Variants in NTRK2 observed in about 807,000 individuals in gnomAD.
NTRK2 encodes neurotrophic receptor tyrosine kinase 2, also known as BDNF/NT-3 growth factors receptor.
A neutral mutation model predicts 94.5 loss-of-function variants in NTRK2; 13 were observed. That is an observed-to-expected ratio of 0.14 (90% confidence interval 0.09 to 0.22). NTRK2 has a LOEUF of 0.22. NTRK2 is among the 10% of genes least tolerant of loss of function. The probability of loss-of-function intolerance (pLI) is 1.00; values close to 1 mark genes in which losing one functional copy is unlikely to be tolerated. For synonymous variants in NTRK2, 372 were observed against 407.4 expected (o/e 0.91, Z 1.05); for missense variants, 639 against 1,071.2 (o/e 0.60, Z 5.63).
chr9:84,973,374 A>G (rs192111286), intron 17 of NTRK2, among the ~76,000 whole-genome samples: 4 of 152,208 alleles, frequency 2.6e-5, no homozygotes, highest in African/African-American at 9.6e-5. Context: ...ACACTTGGCC[A>G]TAACAGTCTT....
intron 12 of NTRK2, among the ~76,000 whole-genome samples, chr9:84,756,628 A>T (rs918859476): frequency 2.6e-5 from 4 of 152,238 alleles, no homozygotes; most frequent in Non-Finnish European, 5.9e-5. Context: ...CTCAAGAGTG[A>T]AATATCTAAA....
chr9:84,832,802 T>G lies in NTRK2; in HGVS notation c.1397-28238T>G, dbSNP rs1416247457. Among the ~76,000 whole-genome samples, 5 of 152,314 alleles carry G rather than the reference T, an allele frequency of 3.3e-5. No homozygotes were observed. In the East Asian group the frequency reaches 9.7e-4, roughly 29 times the overall value. On this transcript the variant is annotated intron_variant, in intron 12 of 18. Coordinates refer to ENST00000277120, the MANE Select transcript of NTRK2 (RefSeq NM_006180.6). The stretch of plus-strand genomic sequence containing the variant: ...TCAATAAAAGTCTGTTTTACGGAAG[T>G]GCTCCTGAGCTGGCCCAGTGTGTTT...
intron 14 of NTRK2, chr9:84,873,011 T>A (rs184074815): frequency 1.3e-4 from 135 of 1,063,432 alleles, no homozygotes; most frequent in Non-Finnish European, 3.6e-5. Flanking sequence ...TGAGTACACA[T>A]GAGCAAAAAT....
rs571128903 is a variant in NTRK2, at chr9:84,742,187, C to T, written c.1195+260C>T. On this transcript the variant is annotated intron_variant, in intron 10 of 18. Coordinates refer to ENST00000277120, the MANE Select transcript of NTRK2 (RefSeq NM_006180.6). ...CCATTCCGCTGGCTGTAACAGACATCGTATTTCCTTAATTGGGAACTAATT... is the reference window on the plus strand; with the variant it reads ...CCATTCCGCTGGCTGTAACAGACATTGTATTTCCTTAATTGGGAACTAATT... Among the ~76,000 whole-genome samples, 8 of 152,260 alleles carry T rather than the reference C, an allele frequency of 5.3e-5. No individual in the cohort carries two copies. In the East Asian group the frequency reaches 1.2e-3, roughly 22 times the overall value.
intron 4 of NTRK2, 111 bp downstream of exon 4, chr9:84,702,530 A>G (rs745758575): frequency 1.2e-5 from 11 of 905,870 alleles, no homozygotes; most frequent in Non-Finnish European, 1.8e-5. Flanking sequence ...TAAAGTTAGT[A>G]TAGCTGTGAT....
intron 2 of NTRK2, among the ~76,000 whole-genome samples, chr9:84,679,658 A>G (rs1349831861): frequency 6.6e-6 from 1 of 151,736 alleles, no homozygotes; most frequent in Non-Finnish European, 1.5e-5. Context: ...TCCTTGAAAG[A>G]CTCTGTGGTT....
At chr9:84,721,331 G>A (rs992159618) in intron 6 of NTRK2, among the ~76,000 whole-genome samples, 2 of 152,024 alleles carry the variant, frequency 1.3e-5, no homozygotes, top group Admixed American at 6.6e-5. Flanking sequence ...ACCCGCCACT[G>A]CGCACGGCTA....
At position 84,949,939 on chromosome 9, in the gene NTRK2, A is replaced by G. The variant is rs78839047; in HGVS notation, c.1937+1305A>G. ...AAACAGTAAAGCTAACTCACACAAT[A>G]TAAGTGGTGACTTTTGAGGAGACCA... is the stretch of plus-strand genomic sequence containing the variant. On this transcript the variant is annotated intron_variant, in intron 16 of 18. Coordinates refer to ENST00000277120, the MANE Select transcript of NTRK2 (RefSeq NM_006180.6). Among the ~76,000 whole-genome samples the G allele has an allele frequency of 4.9e-3, 741 of 152,310 alleles. 4 individuals carry two copies. The highest frequency in any genetic ancestry group is 0.026 in the South Asian group (127 of 4,808).
At chr9:85,006,274 A>G (rs1759075005) in intron 17 of NTRK2, among the ~76,000 whole-genome samples, 1 of 152,118 alleles carries the variant, frequency 6.6e-6, no homozygotes, top group Non-Finnish European at 1.5e-5. Flanking sequence ...ACTGCACAGT[A>G]CTCTGGCCCT....
rs764069110 is a variant in NTRK2 at position 84,955,409 on chromosome 9, C to T, written c.2064C>T (p.Phe688=). The T allele has an allele frequency of 1.9e-6, 3 of 1,614,210 alleles. No homozygotes were observed. Among genetic ancestry groups the T allele is most frequent in the South Asian group, 2.2e-5 (2 of 91,088 alleles). The change falls in exon 17 of 19, where the codon TTC becomes TTT. Residue 688 remains phenylalanine (F), a synonymous_variant. Transcript: ENST00000277120. ...TGGTCTACCTGGCGTCCCAGCACTT[C>T]GTGCACCGCGATTTGGCCACCAGGA... is the stretch of plus-strand genomic sequence containing the variant. ...AGMVYLASQH[F]VHRDLATRNC...
At position 84,963,725 on chromosome 9, in the gene NTRK2, C is replaced by T. The variant is rs561829339; in HGVS notation, c.2172+8208C>T. Among the ~76,000 whole-genome samples the T allele has an allele frequency of 1.3e-3, 197 of 152,298 alleles. 3 individuals are homozygous for T. The highest frequency in any genetic ancestry group is 6.8e-3 in the Middle Eastern group (2 of 294). ...CAACCCCCTATGGACTCCAATTTCA[C>T]TTATAATAAGCCACTTGACACTGTC... On this transcript the variant is annotated intron_variant, in intron 17 of 18. Transcript: ENST00000277120.
intron 15 of NTRK2, 42 bp downstream of exon 15, chr9:84,934,334 C>A: frequency 6.2e-7 from 1 of 1,609,590 alleles, no homozygotes; most frequent in Non-Finnish European, 8.5e-7. Context: ...CATGATCACA[C>A]TTACGTGTGG....
chr9:84,732,236 G>A (rs1405322626), intron 9 of NTRK2, among the ~76,000 whole-genome samples: 1 of 152,126 alleles, frequency 6.6e-6, no homozygotes, highest in Non-Finnish European at 1.5e-5. Context: ...CTTTAAAATC[G>A]ATTCAGTATG....
intron 12 of NTRK2, among the ~76,000 whole-genome samples, chr9:84,797,760 CTATAATAATATA>C (rs1200028870): frequency 2.2e-4 from 3 of 13,828 alleles, no homozygotes; most frequent in Admixed American, 3.0e-3. Flanking sequence ...ATTATATATA[CTATAATAATATA>C]TATAATATAT....
chr9:84,714,874 T>C (rs1256347257), intron 6 of NTRK2, among the ~76,000 whole-genome samples: 2 of 152,204 alleles, frequency 1.3e-5, no homozygotes, highest in African/African-American at 4.8e-5. Flanking sequence ...GACCATGGTC[T>C]TGTGTGTGTC....
At chr9:84,703,942 T>G (rs1333124950) in intron 4 of NTRK2, among the ~76,000 whole-genome samples, 2 of 152,240 alleles carry the variant, frequency 1.3e-5, no homozygotes, top group East Asian at 1.9e-4. Context: ...ATGCAGTCAC[T>G]TAGATGTAAT....
At chr9:84,921,378 T>C (rs1264827455) in intron 14 of NTRK2, among the ~76,000 whole-genome samples, 1 of 152,226 alleles carries the variant, frequency 6.6e-6, no homozygotes, top group Non-Finnish European at 1.5e-5. Context: ...CCAAGCACTG[T>C]GACTCTCACT....
intron 4 of NTRK2, among the ~76,000 whole-genome samples, chr9:84,707,256 T>C (rs2061162145): frequency 6.6e-6 from 1 of 152,230 alleles, no homozygotes; most frequent in Non-Finnish European, 1.5e-5. Flanking sequence ...AGATGAAATC[T>C]GACATATTCC....
chr9:84,899,046 C>T (rs1347058016), intron 14 of NTRK2, among the ~76,000 whole-genome samples: 1 of 152,132 alleles, frequency 6.6e-6, no homozygotes, highest in Non-Finnish European at 1.5e-5. Flanking sequence ...ACAACAAAGT[C>T]TAGTATAACA....
Sources: gnomAD v4.1 joint callset for allele counts (sites outside exome capture counted in the v4.1 genomes callset) on GRCh38, gnomAD v4.1.1 for gene constraint, MANE v1.5 for transcripts, NCBI Gene and HGNC (gene_info 2026-07-23, HGNC 2026-07-21) for gene names.